Variants in CDH18 observed in about 807,000 individuals in gnomAD.
CDH18 encodes cadherin-18.
A neutral mutation model predicts 67.9 loss-of-function variants in CDH18; 31 were observed. That is an observed-to-expected ratio of 0.46 (90% CI 0.34 to 0.62). The LOEUF (loss-of-function observed/expected upper bound fraction) is 0.62, where lower values mean the gene tolerates loss of function less well. Ranked by LOEUF, CDH18 falls within the 20% of genes least tolerant of loss-of-function variation. The pLI is 0.01. For synonymous variants in CDH18, 362 were observed against 347.2 expected (o/e 1.04, Z -0.48); for missense variants, 890 against 975.5 (o/e 0.91, Z 1.17).
At chr5:20,142,219 A>G (rs1019302943) in intron 2 of CDH18, among the ~76,000 whole-genome samples, 40 of 152,090 alleles carry the variant, frequency 2.6e-4, no homozygotes, top group Admixed American at 1.4e-3. Flanking sequence ...TTAATTATAA[A>G]AATATATCTT....
At chr5:19,869,086 TA>T (rs1785930044) in intron 2 of CDH18, among the ~76,000 whole-genome samples, 1 of 152,066 alleles carries the variant, frequency 6.6e-6, no homozygotes, top group Non-Finnish European at 1.5e-5. Context: ...CAAAATAAAA[TA>T]ATTTTGGTTT....
intron 10 of CDH18, among the ~76,000 whole-genome samples, chr5:19,515,434 G>C (rs1030113089): frequency 9.6e-5 from 14 of 146,398 alleles, no homozygotes; most frequent in Non-Finnish European, 2.1e-4. Flanking sequence ...AAATTACCTT[G>C]GGCAGTATGG....
intron 2 of CDH18, among the ~76,000 whole-genome samples, chr5:20,211,023 C>T (rs1740310875): frequency 6.6e-6 from 1 of 152,058 alleles, no homozygotes; most frequent in Non-Finnish European, 1.5e-5. Flanking sequence ...TACCAGTATA[C>T]ATCAGATATA....
chr5:20,374,194 G>T lies in CDH18; in HGVS notation c.-579-118689C>A, dbSNP rs931841523. On this transcript the variant is annotated intron_variant, in intron 1 of 14. Coordinates refer to the CDH18 transcript ENST00000507958. ...CCAGGTATGTCTGATTTAGTAATCT[G>T]TTCCCCAACCACTACACCCAACTAC... Among the ~76,000 whole-genome samples, 22 of 152,136 alleles carry T rather than the reference G, an allele frequency of 1.4e-4. 1 individual carries two copies. Among genetic ancestry groups the T allele is most frequent in the Admixed American group, 1.4e-3 (22 of 15,272 alleles).
At chr5:19,914,857 T>C (rs576127588) in intron 2 of CDH18, among the ~76,000 whole-genome samples, 1 of 151,960 alleles carries the variant, frequency 6.6e-6, no homozygotes, top group East Asian at 1.9e-4. Flanking sequence ...ACAAAAAAAA[T>C]TTCTCCCCCA....
chr5:20,198,700 T>C (rs953875834), intron 2 of CDH18, among the ~76,000 whole-genome samples: 1 of 152,084 alleles, frequency 6.6e-6, no homozygotes, highest in African/African-American at 2.4e-5. Context: ...CTCCAGGGCA[T>C]GTCAGAGGCC....
At chr5:19,481,022 T>G (rs890302321) in intron 12 of CDH18, among the ~76,000 whole-genome samples, 1 of 152,212 alleles carries the variant, frequency 6.6e-6, no homozygotes, top group Non-Finnish European at 1.5e-5. Context: ...TTTATTGAAC[T>G]TGTAAGCATC....
chr5:20,086,198 A>C (rs2150551561), intron 2 of CDH18, among the ~76,000 whole-genome samples: 2 of 152,352 alleles, frequency 1.3e-5, no homozygotes, highest in Admixed American at 6.5e-5. Context: ...CTTAAGACAA[A>C]GCCTAATCCA....
At chr5:19,995,317 T>C (rs77435467) in intron 2 of CDH18, among the ~76,000 whole-genome samples, 2,207 of 152,260 alleles carry the variant, frequency 0.014, 61 homozygotes, top group African/African-American at 0.05. Context: ...ATCAGGCATA[T>C]AGTAAAATGT....
chr5:20,492,250 A>C (rs2126391882), intron 1 of CDH18, among the ~76,000 whole-genome samples: 1 of 152,210 alleles, frequency 6.6e-6, no homozygotes, highest in South Asian at 2.1e-4. Flanking sequence ...TACTTTCCAA[A>C]AACCCCTTAT....
At chr5:19,826,839 AC>A (rs56111822) in intron 3 of CDH18, among the ~76,000 whole-genome samples, 13,486 of 152,182 alleles carry the variant, frequency 0.089, 611 homozygotes, top group African/African-American at 0.1. Context: ...CTGCATAATA[AC>A]CAGCTAACAA....
chr5:20,401,273 A>G (rs1745748818), intron 1 of CDH18, among the ~76,000 whole-genome samples: 1 of 152,232 alleles, frequency 6.6e-6, no homozygotes, highest in Non-Finnish European at 1.5e-5. Flanking sequence ...TGAAACTATG[A>G]TTAATGAGGT....
intron 3 of CDH18, among the ~76,000 whole-genome samples, chr5:19,782,302 T>C (rs1170382456): frequency 6.6e-6 from 1 of 152,092 alleles, no homozygotes; most frequent in Non-Finnish European, 1.5e-5. Flanking sequence ...TGAGACCCAC[T>C]CATTATCATG....
At chr5:19,658,913 T>C (rs564775342) in intron 5 of CDH18, among the ~76,000 whole-genome samples, 259 of 152,030 alleles carry the variant, frequency 1.7e-3, no homozygotes, top group African/African-American at 6.1e-3. Flanking sequence ...TGTCCAACAA[T>C]GATAGACTGG....
intron 2 of CDH18, among the ~76,000 whole-genome samples, chr5:19,860,109 T>C (rs1170472131): frequency 6.6e-6 from 1 of 152,084 alleles, no homozygotes; most frequent in Non-Finnish European, 1.5e-5. Flanking sequence ...AATCTGTTTA[T>C]GGTCATCCAT....
chr5:20,423,048 G>T (rs1747985325), intron 1 of CDH18, among the ~76,000 whole-genome samples: 1 of 151,136 alleles, frequency 6.6e-6, no homozygotes. Context: ...GAGAGAAAAT[G>T]ATTTGGTGGA....
chr5:20,371,393 A>G (rs984164550), intron 1 of CDH18, among the ~76,000 whole-genome samples: 4 of 152,192 alleles, frequency 2.6e-5, no homozygotes, highest in Admixed American at 6.5e-5. Flanking sequence ...AAATCAGACA[A>G]TCGGCAATGC....
rs565303675 is a variant in CDH18, at chr5:20,201,448, G to A, written c.-518+53996C>T. ...TAATGACATCAGTGAAGGCAAAATA[G>A]GATTGCAATATGAGCATGGGGTATT... On this transcript the variant is annotated intron_variant, in intron 2 of 14. Transcript: ENST00000507958. Among the ~76,000 whole-genome samples the A allele has an allele frequency of 6.0e-4, 92 of 152,192 alleles. 1 individual carries two copies. The South Asian group carries it at 0.019, about 31-fold the overall frequency.
At chr5:19,621,017 A>G (rs2150140758) in intron 5 of CDH18, among the ~76,000 whole-genome samples, 1 of 152,288 alleles carries the variant, frequency 6.6e-6, no homozygotes, top group African/African-American at 2.4e-5. Flanking sequence ...ATCATGGGTA[A>G]GAGACTATCT....
Sources: allele counts gnomAD v4.1 joint callset (sites outside exome capture counted in the v4.1 genomes callset), GRCh38; gene constraint gnomAD v4.1.1; transcripts MANE v1.5; gene names NCBI Gene and HGNC (gene_info 2026-07-23, HGNC 2026-07-21).